Variants in CLPTM1 observed in about 807,000 individuals in gnomAD.
CLPTM1 encodes the protein CLPTM1 regulator of GABA type A receptor forward trafficking.
Under a neutral mutation model 77.3 loss-of-function variants are expected in CLPTM1, and 21 were observed. The observed-to-expected ratio is 0.27, with a 90% CI of 0.19 to 0.39. CLPTM1 has a LOEUF of 0.39. CLPTM1 is among the 10% of genes least tolerant of loss of function. The pLI, the probability that CLPTM1 is intolerant of heterozygous loss-of-function variation, is 1.00. For missense variants in CLPTM1, 642 were observed against 921.2 expected, an observed-to-expected ratio of 0.70 and a Z score of 3.92; for synonymous variants, 373 against 381.0, an observed-to-expected ratio of 0.98 and a Z score of 0.24.
Position 44,991,376 on chromosome 19 carries a change from G to A in CLPTM1, c.1555+3G>A. On this transcript the variant is annotated splice_donor_region_variant and intron_variant, in intron 12 of 13. Coordinates refer to ENST00000337392, the MANE Select transcript of CLPTM1 (RefSeq NM_001294.4). The surrounding 1 kb of genome is among the most constrained non-coding windows in gnomAD (Gnocchi z 5.4). Reference sequence around the variant, plus strand: ...CTACGGCTTCCTGCTGACCTTCGGTGAGCGGTCCGGCCGCCCCAGGAGAGA... The same window carrying A: ...CTACGGCTTCCTGCTGACCTTCGGTAAGCGGTCCGGCCGCCCCAGGAGAGA... 3 of 1,610,962 alleles carry A rather than the reference G, an allele frequency of 1.9e-6. No individual in the cohort carries two copies. In the South Asian group the frequency reaches 3.3e-5, roughly 18 times the overall value.
At chr19:44,955,664 G>C in intron 1 of CLPTM1, 197 bp downstream of exon 1, 1 of 462,518 alleles carries the variant, frequency 2.2e-6, no homozygotes, top group Non-Finnish European at 3.5e-6. Context: ...TTGCGGGTCG[G>C]TTCCCCTGCA....
At chr19:44,971,100 G>A (rs1238106449) in intron 2 of CLPTM1, among the ~76,000 whole-genome samples, 1 of 151,896 alleles carries the variant, frequency 6.6e-6, no homozygotes, top group Non-Finnish European at 1.5e-5. Context: ...CAAAGTGCTG[G>A]GATTACAGGC....
intron 2 of CLPTM1, among the ~76,000 whole-genome samples, chr19:44,971,150 A>G (rs1488899333): frequency 6.6e-6 from 1 of 152,006 alleles, no homozygotes; most frequent in Non-Finnish European, 1.5e-5. Context: ...CTACTTTAGG[A>G]TTCCCACTTT....
In CLPTM1 at chr19:44,990,395, A is replaced by G. The variant is rs1275472013; in HGVS notation, c.1133A>G (p.Asp378Gly). ...SVFEFLAFKN[D>G]IQFWNSRQSL... Reference sequence around the variant, plus strand: ...GTTCCCCCCTACCCCCTGCGCACAGATATCCAGTTCTGGAACAGCCGGCAG... The same window carrying G: ...GTTCCCCCCTACCCCCTGCGCACAGGTATCCAGTTCTGGAACAGCCGGCAG... The change falls in exon 10 of 14, where the codon GAT (aspartate) becomes GGT (glycine). Residue 378 changes from aspartate to glycine, a missense_variant and splice_region_variant. By Grantham distance (94) the Asp-to-Gly change is moderately conservative. Transcript: ENST00000337392. This position sits in a 1 kb window ranked among gnomAD's most constrained non-coding sequence, Gnocchi z 4.8. 6.2e-7 allele frequency: 1 copy of G among 1,613,910 alleles called. No individual in the cohort carries two copies. The highest frequency in any genetic ancestry group is 1.7e-5 in the Admixed American group (1 of 59,990).
At chr19:44,969,344 A>C (rs1378311627) in intron 2 of CLPTM1, among the ~76,000 whole-genome samples, 1 of 152,192 alleles carries the variant, frequency 6.6e-6, no homozygotes, top group African/African-American at 2.4e-5. Context: ...AAGATACTGT[A>C]GTTTAGAGGC....
At chr19:44,954,995 T>C, upstream of CLPTM1, 1 of 1,535,420 alleles carries the variant, frequency 6.5e-7, no homozygotes, top group Non-Finnish European at 8.7e-7. Flanking sequence ...CAGTGGCCGG[T>C]AAAGCTCAAG....
In CLPTM1 at chr19:44,955,445, C is replaced by T. The variant is rs1970446505; in HGVS notation, c.50C>T (p.Ala17Val). The change falls in exon 1 of 14, where the codon GCC becomes GTC. Residue 17 changes from alanine to valine, a missense_variant. Physicochemically the swap from Ala to Val is moderately conservative, Grantham distance 64 (BLOSUM62 0). This residue lies in a region of CLPTM1 where 121 missense variants were observed against 120.8 expected (regional missense o/e 1.00). Coordinates refer to ENST00000337392, the MANE Select transcript of CLPTM1 (RefSeq NM_001294.4). ...GGGGCCCGCAGCGCCGTGGTGGCGG[C>T]CGGGGGAGGCAGCTCCGGTCAGGTA... ...ADGARSAVVA[A>V]GGGSSGQVTS... 3 of 1,330,828 alleles carry T rather than the reference C, an allele frequency of 2.3e-6. No homozygotes were observed. The highest frequency in any genetic ancestry group is 1.5e-5 in the African/African-American group (1 of 64,838). 82.4% of individuals were successfully genotyped at this position (1,330,828 alleles called of 1,614,324 possible).
At chr19:44,973,314 C>A in intron 3 of CLPTM1, 104 bp downstream of exon 3, 1 of 1,500,142 alleles carries the variant, frequency 6.7e-7, no homozygotes, top group Non-Finnish European at 9.1e-7. Flanking sequence ...TCCTTGCTCA[C>A]TGGCAGGTCT....
intron 1 of CLPTM1, among the ~76,000 whole-genome samples, chr19:44,957,384 T>G (rs1970480776): frequency 6.6e-6 from 1 of 152,246 alleles, no homozygotes; most frequent in Non-Finnish European, 1.5e-5. Context: ...CAGGACTGCC[T>G]TGATCACCAC....
chr19:44,992,191 T>C lies in CLPTM1; in HGVS notation c.1556-42T>C. On this transcript the variant is annotated intron_variant, in intron 12 of 13. Coordinates refer to ENST00000337392, the MANE Select transcript of CLPTM1 (RefSeq NM_001294.4). This position sits in a 1 kb window ranked among gnomAD's most constrained non-coding sequence, Gnocchi z 7.7. ...CAGTGCAGAGTGCACAGGGGAGAGG[T>C]GGGAGAGGCCATCCCTCTGCTCATG... The C allele has an allele frequency of 6.2e-7, 1 of 1,607,372 alleles. No individual in the cohort carries two copies. The highest frequency in any genetic ancestry group is 8.5e-7 in the Non-Finnish European group (1 of 1,175,360).
At chr19:44,971,095 T>C (rs1209172145) in intron 2 of CLPTM1, among the ~76,000 whole-genome samples, 3 of 151,940 alleles carry the variant, frequency 2.0e-5, no homozygotes, top group African/African-American at 7.3e-5. Flanking sequence ...CCTCCCAAAG[T>C]GCTGGGATTA....
At chr19:44,975,286 G>A (rs905258996) in intron 4 of CLPTM1, among the ~76,000 whole-genome samples, 9 of 152,212 alleles carry the variant, frequency 5.9e-5, no homozygotes, top group Non-Finnish European at 1.2e-4. Context: ...TCCTGTATGG[G>A]ACTGTGAGCC....
chr19:44,970,539 A>G (rs1018810860), intron 2 of CLPTM1, among the ~76,000 whole-genome samples: 2 of 144,996 alleles, frequency 1.4e-5, no homozygotes, highest in Non-Finnish European at 3.0e-5. Context: ...AGCTGGGAAT[A>G]TAGGCATGGT....
chr19:44,992,766 C>G lies in CLPTM1; in HGVS notation c.1879C>G (p.Pro627Ala). 1 of 1,612,398 alleles carries G rather than the reference C, an allele frequency of 6.2e-7. No individual in the cohort carries two copies. Among genetic ancestry groups the G allele is most frequent in the Non-Finnish European group, 8.5e-7 (1 of 1,179,838 alleles). ...AGGGGCCCTCACGCCCACACCTGCACCCACCACGACCACCGCCACCAGGGA... is the reference window on the plus strand; with the variant it reads ...AGGGGCCCTCACGCCCACACCTGCAGCCACCACGACCACCGCCACCAGGGA... ...AAGALTPTPA[P>A]TTTTATREEA... Residue 627 changes from proline (P) to alanine (A), a missense_variant, in exon 14 of 14, where the codon CCC (proline) becomes GCC (alanine). Pro to Ala is a conservative substitution (Grantham distance 27, BLOSUM62 -1). Coordinates refer to ENST00000337392, the MANE Select transcript of CLPTM1 (RefSeq NM_001294.4). The surrounding 1 kb of genome is among the most constrained non-coding windows in gnomAD (Gnocchi z 7.7).
intron 2 of CLPTM1, among the ~76,000 whole-genome samples, chr19:44,963,380 C>T (rs1970576068): frequency 6.8e-6 from 1 of 146,768 alleles, no homozygotes; most frequent in Admixed American, 6.8e-5. Flanking sequence ...GGCTGGAGTG[C>T]AGTGGCACAA....
intron 9 of CLPTM1, among the ~76,000 whole-genome samples, chr19:44,988,632 C>T (rs1307170388): frequency 6.6e-6 from 1 of 152,252 alleles, no homozygotes; most frequent in African/African-American, 2.4e-5. Context: ...TGAGGAGAAG[C>T]AGCCACATGC....
Position 44,961,985 on chromosome 19 carries a change from G to C in CLPTM1, c.95G>C (p.Gly32Ala). Residue 32 changes from glycine to alanine, a missense_variant, in exon 2 of 14, where the codon GGG (glycine) becomes GCG (alanine). Physicochemically the swap from Gly to Ala is moderately conservative, Grantham distance 60 (BLOSUM62 0). Coordinates refer to ENST00000337392, the MANE Select transcript of CLPTM1 (RefSeq NM_001294.4). ...SGQVTSNGSI[G>A]RDPPAETQPQ... is the part of the protein sequence containing the mutation. The stretch of plus-strand genomic sequence containing the variant: ...CAGGTGACCAGCAATGGCAGCATCG[G>C]GAGGGACCCGCCAGCGGAGACCCAG... 1 of 1,607,816 alleles carries C rather than the reference G, an allele frequency of 6.2e-7. No homozygotes were observed. Among genetic ancestry groups the C allele is most frequent in the Non-Finnish European group, 8.5e-7 (1 of 1,178,066 alleles).
intron 2 of CLPTM1, among the ~76,000 whole-genome samples, chr19:44,972,276 C>T (rs1216689423): frequency 2.7e-5 from 4 of 149,924 alleles, no homozygotes; most frequent in African/African-American, 9.8e-5. Flanking sequence ...GAGATGGAGT[C>T]TCGCTCTGTT....
Position 44,990,479 on chromosome 19 carries a change from T to G in CLPTM1, c.1217T>G (p.Val406Gly), listed in dbSNP as rs1161677576. Residue 406 changes from valine to glycine, a missense_variant, in exon 10 of 14, where the codon GTC (valine) becomes GGC (glycine). By Grantham distance (109) the Val-to-Gly change is moderately radical (BLOSUM62 -3). Around this residue, in one of 2 missense-constraint regions of CLPTM1, gnomAD observed 521 missense variants for 800.4 expected, o/e 0.65. Coordinates refer to ENST00000337392, the MANE Select transcript of CLPTM1 (RefSeq NM_001294.4). This position sits in a 1 kb window ranked among gnomAD's most constrained non-coding sequence, Gnocchi z 4.8. ...TTCGGCGTTTTCCAGTCATTCGTGG[T>G]CCTCCTCTACATCCTGGACAACGAG... is the stretch of plus-strand genomic sequence containing the variant. ...VFFGVFQSFV[V>G]LLYILDNETN... is the part of the protein sequence containing the mutation. 2 of 1,613,990 alleles carry G rather than the reference T, an allele frequency of 1.2e-6. No individual in the cohort carries two copies. The highest frequency in any genetic ancestry group is 1.3e-5 in the African/African-American group (1 of 74,924).
Sources: gnomAD v4.1 joint callset for allele counts (sites outside exome capture counted in the v4.1 genomes callset) on GRCh38, gnomAD v4.1.1 for gene constraint, gnomAD v4.1.1 regional missense constraint, Gnocchi (gnomAD v3.1) non-coding constraint, MANE v1.5 for transcripts, NCBI Gene and HGNC (gene_info 2026-07-23, HGNC 2026-07-21) for gene names.